The following SPAG16 variants were observed in gnomAD, a reference collection of about 807,000 sequenced individuals.
The protein encoded by SPAG16 is sperm associated antigen 16.
SPAG16 carries 86 observed loss-of-function variants against 80.4 expected under a neutral mutation model. That is an observed-to-expected ratio of 1.07 (90% CI 0.90 to 1.28). The LOEUF (loss-of-function observed/expected upper bound fraction) is 1.28. SPAG16 is among the 50% of genes most tolerant of loss of function. The pLI is 0.00. For synonymous variants in SPAG16, 294 were observed against 265.9 expected (o/e 1.11, Z -1.03); for missense variants, 870 against 765.3 (o/e 1.14, Z -1.61).
At chr2:213,582,007 T>C (rs2060312785) in intron 10 of SPAG16, among the ~76,000 whole-genome samples, 2 of 152,144 alleles carry the variant, frequency 1.3e-5, no homozygotes, top group Non-Finnish European at 2.9e-5. Context: ...TGGTTAATTA[T>C]GAAATGCAAA....
intron 15 of SPAG16, among the ~76,000 whole-genome samples, chr2:214,177,650 T>C (rs1359251607): frequency 6.6e-6 from 1 of 150,706 alleles, no homozygotes; most frequent in Non-Finnish European, 1.5e-5. Flanking sequence ...ACAAAAATGC[T>C]TCTTATGGAA....
chr2:213,917,636 CTT>C (rs2078030613), intron 11 of SPAG16, among the ~76,000 whole-genome samples: 1 of 152,100 alleles, frequency 6.6e-6, no homozygotes, highest in Admixed American at 6.5e-5. Flanking sequence ...TATCCTGAGA[CTT>C]TGCTGAAGTT....
intron 9 of SPAG16, among the ~76,000 whole-genome samples, chr2:213,460,273 G>A (rs966461187): frequency 1.3e-5 from 2 of 151,878 alleles, no homozygotes; most frequent in African/African-American, 4.8e-5. Context: ...CATGTTGTTT[G>A]TTACCATCTT....
chr2:214,255,821 A>C (rs866656989), intron 15 of SPAG16, among the ~76,000 whole-genome samples: 8 of 151,922 alleles, frequency 5.3e-5, no homozygotes, highest in African/African-American at 1.9e-4. Context: ...TCTGAGTAGT[A>C]TTCTATTATA....
intron 13 of SPAG16, among the ~76,000 whole-genome samples, chr2:214,105,788 G>A (rs573349828): frequency 1.3e-5 from 2 of 152,238 alleles, no homozygotes; most frequent in South Asian, 4.1e-4. Flanking sequence ...TTGCAGACTA[G>A]AATGTTAGTA....
At chr2:213,948,498 TAACC>T in intron 12 of SPAG16, among the ~76,000 whole-genome samples, 1 of 152,164 alleles carries the variant, frequency 6.6e-6, no homozygotes, top group East Asian at 1.9e-4. Context: ...TCTTTGCCTT[TAACC>T]ACCTCCCCAA....
intron 13 of SPAG16, among the ~76,000 whole-genome samples, chr2:214,014,970 G>T (rs930526096): frequency 6.6e-6 from 1 of 152,148 alleles, no homozygotes; most frequent in African/African-American, 2.4e-5. Flanking sequence ...AGGAGCAAAG[G>T]GAACAGGAAT....
chr2:214,047,870 TG>T (rs986627473), intron 13 of SPAG16, among the ~76,000 whole-genome samples: 2 of 152,084 alleles, frequency 1.3e-5, no homozygotes, highest in Non-Finnish European at 2.9e-5. Context: ...ATTTAAAAAA[TG>T]GGCAAAATAC....
intron 12 of SPAG16, among the ~76,000 whole-genome samples, chr2:214,008,085 C>T (rs1191384005): frequency 6.6e-6 from 1 of 151,990 alleles, no homozygotes; most frequent in African/African-American, 2.4e-5. Context: ...TTCTGTTCTT[C>T]AAATCAGATA....
intron 10 of SPAG16, among the ~76,000 whole-genome samples, chr2:213,708,066 A>G (rs1034066404): frequency 4.6e-5 from 7 of 152,196 alleles, no homozygotes; most frequent in African/African-American, 1.4e-4. Flanking sequence ...AAATTACAAT[A>G]CTATGGTTAA....
At chr2:214,225,736 T>C (rs1335586362) in intron 15 of SPAG16, among the ~76,000 whole-genome samples, 5 of 152,148 alleles carry the variant, frequency 3.3e-5, no homozygotes, top group Non-Finnish European at 7.4e-5. Context: ...CATAAATACA[T>C]TTACTTTACT....
At chr2:213,611,324 A>T (rs1412857615) in intron 10 of SPAG16, among the ~76,000 whole-genome samples, 4 of 152,200 alleles carry the variant, frequency 2.6e-5, no homozygotes, top group African/African-American at 9.6e-5. Flanking sequence ...AAAAACATTG[A>T]TTAAGTTGAC....
rs762356596 is a variant in SPAG16, at chr2:213,284,489, T to C, written c.6T>C (p.Ala2=). ...GGGGGCCCGAAGCGCCAGAGATGGC[T>C]GCTCAGCGAGGGATGCCCAGCTCCG... M[A]AQRGMPSSAV... The change falls in exon 1 of 16, where the codon GCT becomes GCC. Residue 2 remains alanine, a synonymous_variant. Transcript: ENST00000331683. 6.4e-6 allele frequency: 10 copies of C among 1,568,342 alleles called. No homozygotes were observed. The highest frequency in any genetic ancestry group is 1.3e-5 in the African/African-American group (1 of 74,176).
At chr2:213,460,724 A>G (rs1440031833) in intron 9 of SPAG16, among the ~76,000 whole-genome samples, 2 of 152,192 alleles carry the variant, frequency 1.3e-5, no homozygotes, top group Admixed American at 1.3e-4. Context: ...CTAAAATATA[A>G]ATGTGTTATG....
intron 10 of SPAG16, among the ~76,000 whole-genome samples, chr2:213,612,038 G>A (rs1038776986): frequency 5.3e-5 from 8 of 152,166 alleles, no homozygotes; most frequent in South Asian, 2.1e-4. Flanking sequence ...TGTAAATACA[G>A]TGACTTTTTT....
intron 10 of SPAG16, among the ~76,000 whole-genome samples, chr2:213,545,476 C>T (rs1349152210): frequency 6.6e-6 from 1 of 151,994 alleles, no homozygotes; most frequent in Admixed American, 6.6e-5. Context: ...TAAGGAAATC[C>T]AGCTTATCAA....
At chr2:213,383,813 A>G (rs1417487147) in intron 9 of SPAG16, among the ~76,000 whole-genome samples, 1 of 152,210 alleles carries the variant, frequency 6.6e-6, no homozygotes, top group Admixed American at 6.5e-5. Flanking sequence ...GTGATGTTCT[A>G]TAATATTTCT....
At chr2:213,388,321 T>C (rs2067559387) in intron 9 of SPAG16, among the ~76,000 whole-genome samples, 1 of 152,218 alleles carries the variant, frequency 6.6e-6, no homozygotes. Flanking sequence ...TTCACCCTTG[T>C]CTCCCTCTCT....
chr2:214,334,209 T>C (rs1344335230), intron 15 of SPAG16, among the ~76,000 whole-genome samples: 1 of 152,222 alleles, frequency 6.6e-6, no homozygotes, highest in African/African-American at 2.4e-5. Flanking sequence ...CACGCTCTGA[T>C]TTAACTCTGG....
Sources: gnomAD v4.1 joint callset for allele counts (sites outside exome capture counted in the v4.1 genomes callset) on GRCh38, gnomAD v4.1.1 for gene constraint, MANE v1.5 for transcripts, NCBI Gene and HGNC (gene_info 2026-07-23, HGNC 2026-07-21) for gene names.